ADARB2: variants seen among roughly 807,000 people sequenced by gnomAD.
The protein encoded by ADARB2 is adenosine deaminase RNA specific B2 (inactive).
In ADARB2, 25 loss-of-function variants were observed where a neutral mutation model predicts 62.2. The observed-to-expected ratio is 0.40, with a 90% confidence interval of 0.29 to 0.56. The LOEUF (loss-of-function observed/expected upper bound fraction) is 0.56, where lower values mean the gene tolerates loss of function less well. ADARB2 is among the 20% of genes least tolerant of loss of function. ADARB2 has a pLI of 0.43. For missense variants in ADARB2, 1,071 were observed against 1,077.4 expected, an observed-to-expected ratio of 0.99 and a Z score of 0.08; for synonymous variants, 572 against 500.8, an observed-to-expected ratio of 1.14 and a Z score of -1.90.
chr10:1,425,267 A>G (rs1269126478), intron 1 of ADARB2, among the ~76,000 whole-genome samples: 3 of 152,178 alleles, frequency 2.0e-5, no homozygotes, highest in Non-Finnish European at 4.4e-5. Flanking sequence ...TGATCTGGTC[A>G]TGGTTCTCCT....
In ADARB2 at chr10:1,597,071, T is replaced by C. The variant is rs1396329389; in HGVS notation, c.100+139980A>G. On this transcript the variant is annotated intron_variant, in intron 1 of 9. Transcript: ENST00000381312. ...TACCGACCACAGTATTAAGGAATTA[T>C]GATTATATAGGCACAGAGCATGGAA... Among the ~76,000 whole-genome samples, 4 of 152,168 alleles carry C rather than the reference T, an allele frequency of 2.6e-5. No homozygotes were observed. The East Asian group carries it at 5.8e-4, about 22-fold the overall frequency.
chr10:1,660,742 G>A (rs1282508829), intron 1 of ADARB2, among the ~76,000 whole-genome samples: 2 of 152,184 alleles, frequency 1.3e-5, no homozygotes, highest in African/African-American at 4.8e-5. Context: ...TGGCCCCAAA[G>A]TCTCTGAACT....
chr10:1,567,261 G>A (rs11595009), intron 1 of ADARB2, among the ~76,000 whole-genome samples: 3,535 of 152,058 alleles, frequency 0.023, 52 homozygotes, highest in Non-Finnish European at 0.035. Context: ...AAACCTGCCC[G>A]TCCACTTCAA....
intron 3 of ADARB2, among the ~76,000 whole-genome samples, chr10:1,318,642 A>G (rs538528172): frequency 6.6e-6 from 1 of 152,272 alleles, no homozygotes; most frequent in East Asian, 1.9e-4. Context: ...TGCTCATTCA[A>G]CTCAGCATTG....
At chr10:1,540,370 T>C (rs895110019) in intron 1 of ADARB2, among the ~76,000 whole-genome samples, 3 of 152,124 alleles carry the variant, frequency 2.0e-5, no homozygotes, top group African/African-American at 7.2e-5. Flanking sequence ...CTGGTCTGGC[T>C]GCCTCAAGGA....
chr10:1,726,390 T>C (rs1321106265), intron 1 of ADARB2, among the ~76,000 whole-genome samples: 1 of 152,098 alleles, frequency 6.6e-6, no homozygotes, highest in Admixed American at 6.5e-5. Flanking sequence ...ACATGCTGTC[T>C]ACATAGAAAC....
At chr10:1,332,482 T>TTTTTG (rs1554754780) in intron 3 of ADARB2, among the ~76,000 whole-genome samples, 2 of 105,160 alleles carry the variant, frequency 1.9e-5, no homozygotes, top group Non-Finnish European at 3.7e-5. Flanking sequence ...ATCAGTTTTG[T>TTTTTG]TTTTTTTTTT....
chr10:1,620,839 T>C (rs1347759210), intron 1 of ADARB2, among the ~76,000 whole-genome samples: 1 of 152,212 alleles, frequency 6.6e-6, no homozygotes, highest in Non-Finnish European at 1.5e-5. Context: ...ATATACTATA[T>C]TAATCAAATA....
chr10:1,265,991 C>G (rs1411993681), intron 4 of ADARB2, among the ~76,000 whole-genome samples: 3 of 133,320 alleles, frequency 2.3e-5, no homozygotes, highest in Non-Finnish European at 4.8e-5. Flanking sequence ...TGAGTCAGGT[C>G]CACGCTCCCC....
intron 6 of ADARB2, among the ~76,000 whole-genome samples, chr10:1,224,998 C>G (rs1215553281): frequency 6.6e-6 from 1 of 152,100 alleles, no homozygotes; most frequent in African/African-American, 2.4e-5. Flanking sequence ...GTTGATCTGT[C>G]TAATTTTGAC....
chr10:1,290,817 A>G (rs1831459515), intron 3 of ADARB2: 1 of 152,260 alleles, frequency 6.6e-6, no homozygotes, highest in Non-Finnish European at 1.5e-5. Context: ...AAATTTGAAT[A>G]CCATTAAAAC....
intron 1 of ADARB2, among the ~76,000 whole-genome samples, chr10:1,497,025 G>A (rs543087008): frequency 6.6e-6 from 1 of 152,148 alleles, no homozygotes; most frequent in Non-Finnish European, 1.5e-5. Context: ...GTCCAGCCCT[G>A]CCTCTAGCTG....
intron 1 of ADARB2, among the ~76,000 whole-genome samples, chr10:1,480,660 T>C (rs933446804): frequency 3.7e-5 from 3 of 81,946 alleles, no homozygotes; most frequent in African/African-American, 1.2e-4. Flanking sequence ...ATTGTGCCCC[T>C]GCACTCCAAC....
intron 1 of ADARB2, among the ~76,000 whole-genome samples, chr10:1,720,083 C>A (rs1321952667): frequency 1.3e-5 from 2 of 152,168 alleles, no homozygotes; most frequent in Admixed American, 6.5e-5. Context: ...CTTATATGTT[C>A]ATCGCAGCAC....
intron 1 of ADARB2, among the ~76,000 whole-genome samples, chr10:1,566,063 C>CAAAAAAAAAAAAA (rs376967105): frequency 2.3e-5 from 3 of 128,058 alleles, no homozygotes; most frequent in African/African-American, 9.0e-5. Flanking sequence ...CTCAGTCTAG[C>CAAAAAAAAAAAAA]AAAAAAAAAA....
At chr10:1,462,302 G>A (rs1327548052) in intron 1 of ADARB2, among the ~76,000 whole-genome samples, 1 of 152,208 alleles carries the variant, frequency 6.6e-6, no homozygotes, top group East Asian at 1.9e-4. Flanking sequence ...TCCCCAGCAA[G>A]CCCTTTAGTG....
At chr10:1,648,827 A>T (rs1278291505) in intron 1 of ADARB2, among the ~76,000 whole-genome samples, 1 of 152,098 alleles carries the variant, frequency 6.6e-6, no homozygotes, top group Non-Finnish European at 1.5e-5. Context: ...TCCATGGGGT[A>T]GGCCATGGAG....
At chr10:1,636,965 G>T (rs1833924381) in intron 1 of ADARB2, among the ~76,000 whole-genome samples, 1 of 149,790 alleles carries the variant, frequency 6.7e-6, no homozygotes, top group East Asian at 2.0e-4. Context: ...AACACTTTTG[G>T]GTCACCTTTG....
In ADARB2 at chr10:1,502,609, C is replaced by T. The variant is rs551122357; in HGVS notation, c.101-123449G>A. On this transcript the variant is annotated intron_variant, in intron 1 of 9. Coordinates refer to ENST00000381312, the MANE Select transcript of ADARB2 (RefSeq NM_018702.4). Reference sequence around the variant, plus strand: ...AGGAACTGTCACCCGCTTGCAGGGGCCTCAGTCCTGCCTCTGTCAGGGCCT... The same window carrying T: ...AGGAACTGTCACCCGCTTGCAGGGGTCTCAGTCCTGCCTCTGTCAGGGCCT... Among the ~76,000 whole-genome samples, 3 of 152,346 alleles carry T rather than the reference C, an allele frequency of 2.0e-5. No individual in the cohort carries two copies. In the East Asian group the frequency reaches 5.8e-4, roughly 29 times the overall value.
Sources: allele counts gnomAD v4.1 joint callset (sites outside exome capture counted in the v4.1 genomes callset), GRCh38; gene constraint gnomAD v4.1.1; transcripts MANE v1.5; gene names NCBI Gene and HGNC (gene_info 2026-07-23, HGNC 2026-07-21).